LSAMP: variants seen among roughly 807,000 people sequenced by gnomAD.
LSAMP encodes the protein limbic system-associated membrane protein.
Under a neutral mutation model 38.6 loss-of-function variants are expected in LSAMP, and 7 were observed. The observed-to-expected ratio is 0.18, with a 90% CI of 0.10 to 0.34. The LOEUF (loss-of-function observed/expected upper bound fraction) is 0.34, where lower values mean the gene tolerates loss of function less well. Ranked by LOEUF, LSAMP falls within the 10% of genes least tolerant of loss-of-function variation. The pLI is 1.00. For synonymous variants in LSAMP, 154 were observed against 166.8 expected (o/e 0.92, Z 0.59); for missense variants, 313 against 420.0 (o/e 0.75, Z 2.23).
intron 4 of LSAMP, among the ~76,000 whole-genome samples, chr3:115,847,762 T>C (rs1365753971): frequency 1.3e-5 from 2 of 152,362 alleles, no homozygotes; most frequent in Admixed American, 1.3e-4. Flanking sequence ...GTAAGTTTCC[T>C]GAGGCCTCCC....
intron 3 of LSAMP, among the ~76,000 whole-genome samples, chr3:115,909,171 AG>A (rs1483638017): frequency 1.3e-5 from 2 of 152,084 alleles, no homozygotes; most frequent in Non-Finnish European, 2.9e-5. Flanking sequence ...CTGCATCCTT[AG>A]CTTTGATCTT....
intron 1 of LSAMP, among the ~76,000 whole-genome samples, chr3:116,231,100 G>GA (rs1039036027): frequency 6.6e-6 from 1 of 152,142 alleles, no homozygotes; most frequent in Admixed American, 6.5e-5. Flanking sequence ...CCACAAACAT[G>GA]AACGCCCATG....
intron 1 of LSAMP, among the ~76,000 whole-genome samples, chr3:116,164,041 C>T (rs1037928498): frequency 5.3e-5 from 8 of 151,992 alleles, no homozygotes; most frequent in African/African-American, 9.7e-5. Flanking sequence ...TACTGACTTT[C>T]GTTTTGTATT....
chr3:116,399,332 T>C (rs919714927), intron 1 of LSAMP, among the ~76,000 whole-genome samples: 17 of 152,120 alleles, frequency 1.1e-4, no homozygotes, highest in Non-Finnish European at 1.9e-4. Context: ...ACACAGAGCA[T>C]TGAATACCAT....
At chr3:116,051,744 C>T (rs960018665) in intron 2 of LSAMP, among the ~76,000 whole-genome samples, 11 of 152,048 alleles carry the variant, frequency 7.2e-5, no homozygotes, top group African/African-American at 1.7e-4. Flanking sequence ...TTTGGCTGCC[C>T]ACCCAGAAAG....
At chr3:116,270,810 A>G (rs959543111) in intron 1 of LSAMP, among the ~76,000 whole-genome samples, 3 of 148,644 alleles carry the variant, frequency 2.0e-5, no homozygotes, top group Non-Finnish European at 4.6e-5. Flanking sequence ...GAACAAAACC[A>G]AATATCCCAC....
intron 1 of LSAMP, among the ~76,000 whole-genome samples, chr3:116,095,552 C>T (rs921360942): frequency 1.1e-4 from 17 of 152,198 alleles, no homozygotes; most frequent in Non-Finnish European, 2.1e-4. Context: ...CCGGCACCAT[C>T]TGTATTCCTA....
intron 3 of LSAMP, among the ~76,000 whole-genome samples, chr3:115,915,070 G>A (rs994531308): frequency 2.0e-5 from 3 of 152,190 alleles, no homozygotes; most frequent in Non-Finnish European, 4.4e-5. Context: ...TATAGAAACG[G>A]TTTGAAAAGG....
At chr3:116,119,677 GAGA>G (rs1708832513) in intron 1 of LSAMP, among the ~76,000 whole-genome samples, 1 of 102,384 alleles carries the variant, frequency 9.8e-6, no homozygotes, top group Non-Finnish European at 2.0e-5. Context: ...TTTTTTTTTT[GAGA>G]AGGAGTCTTG....
chr3:116,053,785 G>A (rs558621237), intron 2 of LSAMP, among the ~76,000 whole-genome samples: 14 of 152,280 alleles, frequency 9.2e-5, no homozygotes, highest in Middle Eastern at 3.4e-3. Flanking sequence ...GTCTTTTTGC[G>A]TGGGAGAGTA....
chr3:115,829,708 C>A (rs928400179), intron 6 of LSAMP, among the ~76,000 whole-genome samples: 12 of 152,138 alleles, frequency 7.9e-5, no homozygotes, highest in Non-Finnish European at 2.9e-5. Context: ...TGCAATTTTG[C>A]AGCTCTTCTT....
At chr3:116,313,356 G>C (rs1314003180) in intron 1 of LSAMP, among the ~76,000 whole-genome samples, 1 of 152,166 alleles carries the variant, frequency 6.6e-6, no homozygotes, top group Admixed American at 6.5e-5. Context: ...TAGCAATACA[G>C]AGTGACTGGA....
At chr3:116,064,971 A>G (rs1177324562) in intron 2 of LSAMP, among the ~76,000 whole-genome samples, 1 of 152,264 alleles carries the variant, frequency 6.6e-6, no homozygotes, top group African/African-American at 2.4e-5. Context: ...GTGAAGTTCA[A>G]TGCAATATAA....
In LSAMP at chr3:116,107,445, T is replaced by G. The variant is rs540379322; in HGVS notation, c.156-20889A>C. The stretch of plus-strand genomic sequence containing the variant: ...CTAGGCTAAAACAGTAAGGTCAAGT[T>G]GTTTGGACAGAAAGGCTACAGGGTG... On this transcript the variant is annotated intron_variant, in intron 1 of 6. Transcript: ENST00000490035. Among the ~76,000 whole-genome samples, 4 of 152,286 alleles carry G rather than the reference T, an allele frequency of 2.6e-5. No homozygotes were observed. In the East Asian group the frequency reaches 7.7e-4, roughly 29 times the overall value.
At chr3:116,427,113 T>G (rs892591544) in intron 1 of LSAMP, among the ~76,000 whole-genome samples, 1 of 135,222 alleles carries the variant, frequency 7.4e-6, no homozygotes, top group African/African-American at 2.8e-5. Context: ...TTCTTTCTTT[T>G]TTTTTTTTTT....
intron 1 of LSAMP, among the ~76,000 whole-genome samples, chr3:116,256,695 C>T (rs1360298165): frequency 6.6e-6 from 1 of 152,102 alleles, no homozygotes; most frequent in Admixed American, 6.6e-5. Flanking sequence ...GTACCTGGTC[C>T]TCTCTTTTCT....
intron 1 of LSAMP, among the ~76,000 whole-genome samples, chr3:116,342,079 G>A (rs1273913534): frequency 2.6e-5 from 4 of 151,984 alleles, no homozygotes; most frequent in African/African-American, 7.2e-5. Context: ...CAGACTTAGT[G>A]TGAGGTTAGT....
intron 3 of LSAMP, among the ~76,000 whole-genome samples, chr3:115,974,677 G>A (rs1939127983): frequency 6.6e-6 from 1 of 152,184 alleles, no homozygotes; most frequent in Non-Finnish European, 1.5e-5. Flanking sequence ...GGGAATAGAG[G>A]AAGCAGATGT....
intron 1 of LSAMP, among the ~76,000 whole-genome samples, chr3:116,120,640 G>T (rs1383479280): frequency 6.6e-6 from 1 of 152,218 alleles, no homozygotes; most frequent in Non-Finnish European, 1.5e-5. Flanking sequence ...GCTAGTCCCA[G>T]GTTCTGGAGC....
Sources: gnomAD v4.1 joint callset for allele counts (sites outside exome capture counted in the v4.1 genomes callset) on GRCh38, gnomAD v4.1.1 for gene constraint, MANE v1.5 for transcripts, NCBI Gene and HGNC (gene_info 2026-07-23, HGNC 2026-07-21) for gene names.